LARP4: variants seen among roughly 807,000 people sequenced by gnomAD.
The protein encoded by LARP4 is la-related protein 4.
A neutral mutation model predicts 92.9 loss-of-function variants in LARP4; 29 were observed. That is an observed-to-expected ratio of 0.31 (90% CI 0.23 to 0.43). LARP4 has a LOEUF of 0.43. LARP4 is among the 20% of genes least tolerant of loss of function. LARP4 has a pLI of 1.00. For synonymous variants in LARP4, 279 were observed against 284.1 expected (o/e 0.98, Z 0.18); for missense variants, 732 against 860.0 (o/e 0.85, Z 1.86).
At chr12:50,410,172 C>T (rs1420264779) in intron 1 of LARP4, among the ~76,000 whole-genome samples, 1 of 151,750 alleles carries the variant, frequency 6.6e-6, no homozygotes. Flanking sequence ...GTGTAGTTAG[C>T]CATTAGCTTT....
At chr12:50,404,128 A>G (rs1183471128) in intron 1 of LARP4, among the ~76,000 whole-genome samples, 10 of 152,028 alleles carry the variant, frequency 6.6e-5, no homozygotes, top group African/African-American at 2.4e-4. Flanking sequence ...TCGGGAGGCT[A>G]AGGTAGGAGA....
intron 10 of LARP4, among the ~76,000 whole-genome samples, chr12:50,458,160 A>G (rs1954670867): frequency 6.6e-6 from 1 of 151,952 alleles, no homozygotes; most frequent in Admixed American, 6.6e-5. Context: ...GCTGGTCTCA[A>G]ACTCCTGGGC....
intron 12 of LARP4, among the ~76,000 whole-genome samples, chr12:50,466,668 G>A (rs1425570469): frequency 1.3e-5 from 2 of 151,992 alleles, no homozygotes; most frequent in African/African-American, 4.8e-5. Context: ...TTGTTAAGAA[G>A]GCATAGCAAA....
intron 1 of LARP4, among the ~76,000 whole-genome samples, chr12:50,418,439 G>A (rs533834233): frequency 1.3e-5 from 2 of 152,246 alleles, no homozygotes; most frequent in Non-Finnish European, 1.5e-5. Context: ...AAAAATACTG[G>A]TATTATTTCC....
intron 15 of LARP4, among the ~76,000 whole-genome samples, chr12:50,474,815 AT>A (rs992871692): frequency 1.3e-5 from 2 of 152,216 alleles, no homozygotes; most frequent in African/African-American, 4.8e-5. Flanking sequence ...ATAAGTGGCC[AT>A]TGAGAGGCCA....
chr12:50,401,216 T>A, intron 1 of LARP4, 188 bp downstream of exon 1: 2 of 688,882 alleles, frequency 2.9e-6, no homozygotes, highest in South Asian at 1.6e-5. Flanking sequence ...TAGGAAGCTA[T>A]GGGAGGTGAG....
chr12:50,409,823 C>T (rs532134922), intron 1 of LARP4, among the ~76,000 whole-genome samples: 19 of 149,698 alleles, frequency 1.3e-4, no homozygotes, highest in African/African-American at 4.6e-4. Context: ...TTTAAGATGG[C>T]GTTTCGCTCT....
intron 11 of LARP4, 94 bp from the exon 12 acceptor site, chr12:50,462,488 A>AG: frequency 1.2e-6 from 1 of 807,662 alleles, no homozygotes; most frequent in Non-Finnish European, 2.0e-6. Context: ...AAAAAAAAAA[A>AG]AATGTGTACG....
rs1353787469 is a variant in LARP4, at chr12:50,478,251, TTTTAA to T, written c.*2396_*2400del. 1 of 152,110 alleles carries T rather than the reference TTTTAA, an allele frequency of 6.6e-6. No homozygotes were observed. The highest frequency in any genetic ancestry group is 6.6e-5 in the Admixed American group (1 of 15,264). The allele number at this position is 152,110 out of a possible 1,614,324, so 9.4% of individuals were successfully genotyped here. A position where few individuals can be genotyped will look rare whatever the true frequency, so the allele number is the denominator to read the frequency against. The stretch of plus-strand genomic sequence containing the variant: ...AAAAATTTTCTCATTAAGACAATGT[TTTTAA>T]TTTAATTTGCCTCATTACATCTAAT... On this transcript the variant is annotated 3_prime_UTR_variant, in exon 16 of 16. Transcript: ENST00000398473.
chr12:50,408,847 A>C (rs1169996407), intron 1 of LARP4, among the ~76,000 whole-genome samples: 4 of 152,126 alleles, frequency 2.6e-5, no homozygotes, highest in Non-Finnish European at 5.9e-5. Context: ...TATTTGTTAC[A>C]TTGGGTATGG....
chr12:50,453,807 A>G (rs1486544069), intron 9 of LARP4, 135 bp downstream of exon 9: 1 of 604,422 alleles, frequency 1.7e-6, no homozygotes, highest in East Asian at 2.9e-5. Context: ...TATTTTTTGT[A>G]TTTTTCGTAG....
chr12:50,405,578 C>A (rs1944672381), intron 1 of LARP4, among the ~76,000 whole-genome samples: 1 of 152,018 alleles, frequency 6.6e-6, no homozygotes, highest in African/African-American at 2.4e-5. Context: ...TACCACCATG[C>A]CTGGCTAATT....
At chr12:50,412,322 T>C (rs1946055396) in intron 1 of LARP4, 6 of 355,388 alleles carry the variant, frequency 1.7e-5, no homozygotes, top group Non-Finnish European at 2.4e-5. Flanking sequence ...CCTCTCAGTA[T>C]TGGAGATGTA....
chr12:50,426,730 T>TGTGG (rs1266518690), intron 1 of LARP4, among the ~76,000 whole-genome samples: 1 of 88,984 alleles, frequency 1.1e-5, no homozygotes, highest in African/African-American at 6.0e-5. Flanking sequence ...TGTGTGTGTG[T>TGTGG]GGTTTTTTTT....
At chr12:50,454,798 A>C (rs989131223) in intron 10 of LARP4, 5 of 163,622 alleles carry the variant, frequency 3.1e-5, no homozygotes, top group Admixed American at 6.0e-5. Flanking sequence ...AAATGTTGGG[A>C]TGTATGTTAT....
chr12:50,412,390 A>G, intron 1 of LARP4: 1 of 962,142 alleles, frequency 1.0e-6, no homozygotes, highest in Non-Finnish European at 1.2e-6. Flanking sequence ...TATACATTTT[A>G]TTTCTGTTTT....
chr12:50,408,877 T>C (rs1367479805), intron 1 of LARP4, among the ~76,000 whole-genome samples: 1 of 152,062 alleles, frequency 6.6e-6, no homozygotes, highest in Non-Finnish European at 1.5e-5. Context: ...TGGGCGTGGC[T>C]CATACCTGTA....
At chr12:50,420,364 G>A (rs1436373562) in intron 1 of LARP4, among the ~76,000 whole-genome samples, 1 of 152,184 alleles carries the variant, frequency 6.6e-6, no homozygotes. Flanking sequence ...AACATATGAT[G>A]ACAAGGTAGC....
At chr12:50,434,241 G>T (rs1049349196) in intron 4 of LARP4, among the ~76,000 whole-genome samples, 3 of 152,080 alleles carry the variant, frequency 2.0e-5, no homozygotes, top group African/African-American at 4.8e-5. Flanking sequence ...GCTATTTATA[G>T]CCAGACTGCT....
Sources: allele counts gnomAD v4.1 joint callset (sites outside exome capture counted in the v4.1 genomes callset), GRCh38; gene constraint gnomAD v4.1.1; transcripts MANE v1.5; gene names NCBI Gene and HGNC (gene_info 2026-07-23, HGNC 2026-07-21).